Variants in WDR43 observed in about 807,000 individuals in gnomAD.
WDR43 encodes the protein WD repeat domain 43.
In WDR43, 13 loss-of-function variants were observed where a neutral mutation model predicts 91.4. That is an observed-to-expected ratio of 0.14 (90% confidence interval 0.09 to 0.23). WDR43 has a LOEUF of 0.23. WDR43 is among the 10% of genes least tolerant of loss of function. WDR43 has a pLI of 1.00. For synonymous variants in WDR43, 331 were observed against 287.9 expected, an observed-to-expected ratio of 1.15 and a Z score of -1.51; for missense variants, 780 against 809.4, an observed-to-expected ratio of 0.96 and a Z score of 0.44.
intron 3 of WDR43, among the ~76,000 whole-genome samples, chr2:28,911,516 G>C (rs550237723): frequency 6.6e-6 from 1 of 151,958 alleles, no homozygotes; most frequent in East Asian, 1.9e-4. Flanking sequence ...GGATGGTCTC[G>C]ATCTCCTGAC....
In WDR43 at chr2:28,914,106, T is replaced by A; in HGVS notation, c.644T>A (p.Met215Lys). The A allele has an allele frequency of 6.2e-7, 1 of 1,613,994 alleles. No homozygotes were observed. Among genetic ancestry groups the A allele is most frequent in the Non-Finnish European group, 8.5e-7 (1 of 1,179,884 alleles). The change falls in exon 5 of 18, where the codon ATG (methionine) becomes AAG (lysine). Residue 215 changes from methionine to lysine, a missense_variant. This residue lies in a region of WDR43 where 174 missense variants were observed against 207.3 expected (regional missense o/e 0.84). Coordinates refer to ENST00000407426, the MANE Select transcript of WDR43 (RefSeq NM_015131.3). ...CATGCAACGCCAGTTTCGTCACTGATGTTCACTACCATCAGACCTCCTAAT... is the reference window on the plus strand; with the variant it reads ...CATGCAACGCCAGTTTCGTCACTGAAGTTCACTACCATCAGACCTCCTAAT... ...TGHATPVSSL[M>K]FTTIRPPNES...
rs751717925 is a variant in WDR43, at chr2:28,946,533, T to G, written c.1854+34T>G. On this transcript the variant is annotated intron_variant, in intron 17 of 17. Transcript: ENST00000407426. ...TTTGTTCCCTGTATATACATCGGCC[T>G]TTATATCCTCATACTCTGTAAGAAT... The G allele has an allele frequency of 2.7e-5, 44 of 1,601,398 alleles. No homozygotes were observed. The Admixed American group carries it at 6.7e-4, about 24-fold the overall frequency.
intron 16 of WDR43, among the ~76,000 whole-genome samples, chr2:28,943,653 T>G (rs1275310012): frequency 6.6e-6 from 1 of 152,134 alleles, no homozygotes; most frequent in African/African-American, 2.4e-5. Flanking sequence ...AACCCGTAGT[T>G]CTGTGGACTC....
chr2:28,926,285 C>A (rs542760644), intron 8 of WDR43, among the ~76,000 whole-genome samples, 183 bp from the exon 9 acceptor site: 71 of 152,264 alleles, frequency 4.7e-4, no homozygotes, highest in African/African-American at 1.7e-3. Context: ...TAACTGCCGT[C>A]AGTCTGAGTG....
In WDR43 at chr2:28,915,369, G is replaced by A. The variant is rs554303357; in HGVS notation, c.746+1161G>A. 1.6e-3 allele frequency among the ~76,000 whole-genome samples: 240 copies of A among 152,248 alleles called. 1 individual carries two copies. The highest frequency in any genetic ancestry group is 5.6e-3 in the African/African-American group (234 of 41,528). Reference sequence around the variant, plus strand: ...AACAATTACATAAGAAATCAGTAGTGCTAAAAAATTAAAATCTACTACCAG... The same window carrying A: ...AACAATTACATAAGAAATCAGTAGTACTAAAAAATTAAAATCTACTACCAG... On this transcript the variant is annotated intron_variant, in intron 5 of 17. Coordinates refer to ENST00000407426, the MANE Select transcript of WDR43 (RefSeq NM_015131.3).
At chr2:28,896,740 G>A (rs1218600200) in intron 1 of WDR43, among the ~76,000 whole-genome samples, 1 of 152,146 alleles carries the variant, frequency 6.6e-6, no homozygotes, top group Non-Finnish European at 1.5e-5. Flanking sequence ...TGGATTATGT[G>A]CAACACTATG....
In WDR43 at chr2:28,922,951, T is replaced by G. The variant is rs1008449514; in HGVS notation, c.882T>G (p.Gly294=). The G allele has an allele frequency of 3.7e-6, 6 of 1,612,438 alleles. No homozygotes were observed. Among genetic ancestry groups the G allele is most frequent in the Non-Finnish European group, 2.5e-6 (3 of 1,179,524 alleles). ...PVKLAVVCRD[G]QVHLFEHILN... is the part of the protein sequence containing the mutation. ...AGTTGGCTGTTGTTTGCAGAGATGG[T>G]CAAGTCCATCTTTTTGAACACATAT... The change falls in exon 7 of 18, where the codon GGT becomes GGG. Residue 294 remains glycine (G), a synonymous_variant. Coordinates refer to ENST00000407426, the MANE Select transcript of WDR43 (RefSeq NM_015131.3).
At chr2:28,940,829 G>A (rs1572604503) in intron 14 of WDR43, among the ~76,000 whole-genome samples, 1 of 152,206 alleles carries the variant, frequency 6.6e-6, no homozygotes, top group East Asian at 1.9e-4. Flanking sequence ...TATCAGTCGT[G>A]TTGTGTTCCA....
chr2:28,906,624 T>C (rs1162896095), intron 3 of WDR43, 43 bp downstream of exon 3: 5 of 1,594,290 alleles, frequency 3.1e-6, no homozygotes, highest in Non-Finnish European at 4.3e-6. Flanking sequence ...TAGACGTGGA[T>C]AAATGCTGGA....
At chr2:28,902,283 T>G (rs1395681926) in intron 2 of WDR43, among the ~76,000 whole-genome samples, 159 bp downstream of exon 2, 3 of 152,202 alleles carry the variant, frequency 2.0e-5, no homozygotes, top group African/African-American at 7.2e-5. Flanking sequence ...TAATATTTGA[T>G]AAAAGCTATA....
At position 28,926,507 on chromosome 2, in the gene WDR43, G is replaced by C; in HGVS notation, c.1126G>C (p.Asp376His). The C allele has an allele frequency of 6.3e-7, 1 of 1,599,864 alleles. No homozygotes were observed. Among genetic ancestry groups the C allele is most frequent in the Admixed American group, 1.7e-5 (1 of 58,418 alleles). The change falls in exon 9 of 18, where the codon GAT (aspartate) becomes CAT (histidine). Residue 376 changes from aspartate (D) to histidine (H), a missense_variant. Asp to His is a moderately conservative substitution (Grantham distance 81). Around this residue, in one of 4 missense-constraint regions of WDR43, gnomAD observed 426 missense variants for 467.8 expected, o/e 0.91. Coordinates refer to ENST00000407426, the MANE Select transcript of WDR43 (RefSeq NM_015131.3). ...SREPHMCLVR[D>H]ISNCWAPKVE... Reference sequence around the variant, plus strand: ...AGAACCTCATATGTGTTTAGTAAGAGATATTTCAAACTGCTGGGCCCCCAA... The same window carrying C: ...AGAACCTCATATGTGTTTAGTAAGACATATTTCAAACTGCTGGGCCCCCAA...
At chr2:28,928,552 C>G (rs1018254580) in intron 10 of WDR43, among the ~76,000 whole-genome samples, 3 of 152,182 alleles carry the variant, frequency 2.0e-5, no homozygotes, top group Admixed American at 6.5e-5. Context: ...ATAAACCAAG[C>G]ACATCTGTTT....
intron 7 of WDR43, among the ~76,000 whole-genome samples, chr2:28,923,228 T>C (rs11677485): frequency 0.26 from 39,267 of 152,180 alleles, 6,273 homozygotes; most frequent in East Asian, 0.77. Context: ...ATTCTAATGA[T>C]ACATTTCAGA....
chr2:28,899,120 G>A (rs1670534787), intron 1 of WDR43, among the ~76,000 whole-genome samples: 1 of 152,114 alleles, frequency 6.6e-6, no homozygotes, highest in Non-Finnish European at 1.5e-5. Flanking sequence ...TCACCTCCTT[G>A]GGGTATTCAC....
Position 28,946,451 on chromosome 2 carries a change from G to A in WDR43, c.1806G>A (p.Glu602=). 6.2e-7 allele frequency: 1 copy of A among 1,610,832 alleles called. No individual in the cohort carries two copies. Among genetic ancestry groups the A allele is most frequent in the South Asian group, 1.1e-5 (1 of 90,150 alleles). ...GQKAKLVYEE[E]SSEEESDDEI... ...GCTGGGTTCTTTCTCCCCTTACAGAGTCTTCTGAAGAGGAGTCTGATGATG... is the reference window on the plus strand; with the variant it reads ...GCTGGGTTCTTTCTCCCCTTACAGAATCTTCTGAAGAGGAGTCTGATGATG... Residue 602 remains glutamate, a splice_region_variant and synonymous_variant, in exon 17 of 18, where the codon GAG becomes GAA. Transcript: ENST00000407426.
intron 11 of WDR43, among the ~76,000 whole-genome samples, chr2:28,933,019 C>G (rs1671276897): frequency 6.6e-6 from 1 of 152,180 alleles, no homozygotes; most frequent in Admixed American, 6.5e-5. Context: ...AAGCCCTGTT[C>G]ATGGGTTAGA....
intron 1 of WDR43, among the ~76,000 whole-genome samples, chr2:28,899,229 C>T (rs1360484643): frequency 6.6e-6 from 1 of 152,184 alleles, no homozygotes; most frequent in East Asian, 1.9e-4. Flanking sequence ...TCTGTATAAT[C>T]TGTGCTGGGC....
In WDR43 at chr2:28,929,518, T is replaced by G. The variant is rs34113296; in HGVS notation, c.1306-61T>G. ...TTATTTTATTTTATTTTATTTTTTTTGTCTCCAAACTACTTTAAGTCTTGT... is the reference window on the plus strand; with the variant it reads ...TTATTTTATTTTATTTTATTTTTTTGGTCTCCAAACTACTTTAAGTCTTGT... On this transcript the variant is annotated intron_variant, in intron 10 of 17. Transcript: ENST00000407426. 276,734 of 1,359,826 alleles carry G rather than the reference T, an allele frequency of 0.2. 31,019 individuals are homozygous for G. Among genetic ancestry groups the G allele is most frequent in the Non-Finnish European group, 0.23 (235,140 of 1,030,794 alleles). 84.2% of individuals were successfully genotyped at this position (1,359,826 alleles called of 1,614,324 possible).
At chr2:28,913,760 C>G (rs1241001735) in intron 4 of WDR43, 1 of 556,370 alleles carries the variant, frequency 1.8e-6, no homozygotes, top group South Asian at 1.4e-5. Context: ...CAAAGTATGC[C>G]TTTTAAAATG....
Sources: gnomAD v4.1 joint callset for allele counts (sites outside exome capture counted in the v4.1 genomes callset) on GRCh38, gnomAD v4.1.1 for gene constraint, gnomAD v4.1.1 regional missense constraint, MANE v1.5 for transcripts, NCBI Gene and HGNC (gene_info 2026-07-23, HGNC 2026-07-21) for gene names.